PPP1R12A: variants seen among roughly 807,000 people sequenced by gnomAD.
PPP1R12A encodes protein phosphatase 1 regulatory subunit 12A.
PPP1R12A carries 19 observed loss-of-function variants against 139.6 expected under a neutral mutation model. The ratio of observed to expected loss-of-function variants is 0.14; its 90% CI spans 0.09 to 0.20. The LOEUF (loss-of-function observed/expected upper bound fraction) is 0.20. Among genes scored for constraint, PPP1R12A ranks in the 10% least tolerant of loss-of-function variants. The pLI, the probability that PPP1R12A is intolerant of heterozygous loss-of-function variation, is 1.00. For synonymous variants in PPP1R12A, 427 were observed against 420.6 expected (o/e 1.02, Z -0.19); for missense variants, 925 against 1,211.5 (o/e 0.76, Z 3.51).
intron 23 of PPP1R12A, 158 bp from the exon 24 acceptor site, chr12:79,778,758 T>C (rs755587906): frequency 9.2e-6 from 4 of 433,358 alleles, no homozygotes; most frequent in Non-Finnish European, 1.6e-5. Context: ...TTTCCAAAAT[T>C]TGACAAAAAT....
At position 79,935,036 on chromosome 12, in the gene PPP1R12A, G is replaced by T; in HGVS notation, c.-105C>A. ...TGTGTGAATGTTTCTATGAGTGCGG[G>T]CCAGAGGAGGGCTGGGAACCCGGAG... On this transcript the variant is annotated 5_prime_UTR_variant, in exon 1 of 25. Transcript: ENST00000450142. 1 of 1,429,102 alleles carries T rather than the reference G, an allele frequency of 7.0e-7. No individual in the cohort carries two copies. The allele number at this position is 1,429,102 out of a possible 1,614,324, so 88.5% of individuals were successfully genotyped here.
chr12:79,850,092 G>A (rs1879870094), intron 2 of PPP1R12A, among the ~76,000 whole-genome samples: 1 of 152,158 alleles, frequency 6.6e-6, no homozygotes. Context: ...GATTACAGGT[G>A]TGAGCCACCG....
chr12:79,858,708 A>C (rs928231046), intron 2 of PPP1R12A, among the ~76,000 whole-genome samples: 2 of 152,202 alleles, frequency 1.3e-5, no homozygotes, highest in African/African-American at 2.4e-5. Flanking sequence ...AATTCCAGAC[A>C]GAAGAACCAG....
intron 1 of PPP1R12A, among the ~76,000 whole-genome samples, chr12:79,926,532 T>C (rs936384656): frequency 6.6e-6 from 1 of 152,204 alleles, no homozygotes; most frequent in Non-Finnish European, 1.5e-5. Context: ...TACCTTTACA[T>C]TGTAAGTATT....
intron 9 of PPP1R12A, among the ~76,000 whole-genome samples, chr12:79,815,524 G>GA (rs796393176): frequency 0.016 from 1,533 of 96,450 alleles, 8 homozygotes; most frequent in African/African-American, 0.034. Context: ...GCCTCAAAAA[G>GA]AAAAAAAAAA....
At chr12:79,782,860 G>T (rs1870630489) in intron 22 of PPP1R12A, among the ~76,000 whole-genome samples, 2 of 152,100 alleles carry the variant, frequency 1.3e-5, no homozygotes, top group African/African-American at 4.8e-5. Flanking sequence ...AAAACATATT[G>T]ATTAAACACA....
intron 10 of PPP1R12A, among the ~76,000 whole-genome samples, chr12:79,809,570 C>T (rs1162578648): frequency 6.6e-6 from 1 of 152,030 alleles, no homozygotes; most frequent in Admixed American, 6.6e-5. Flanking sequence ...GTAATAGATT[C>T]CTTTAACGGA....
chr12:79,854,723 G>A (rs1220869891), intron 2 of PPP1R12A, among the ~76,000 whole-genome samples: 2 of 152,000 alleles, frequency 1.3e-5, no homozygotes, highest in Admixed American at 6.5e-5. Context: ...TCAGGCTGAA[G>A]TGAACAGGTG....
chr12:79,811,378 C>T (rs1028331726), intron 9 of PPP1R12A, among the ~76,000 whole-genome samples: 8 of 152,220 alleles, frequency 5.3e-5, no homozygotes, highest in Admixed American at 2.6e-4. Flanking sequence ...AACAAAATCA[C>T]GGGGGCTCTG....
chr12:79,840,558 A>G (rs565864517), intron 3 of PPP1R12A, among the ~76,000 whole-genome samples: 1 of 152,272 alleles, frequency 6.6e-6, no homozygotes, highest in African/African-American at 2.4e-5. Flanking sequence ...ACTTTCCTAC[A>G]TGAACTCATC....
At position 79,863,079 on chromosome 12, in the gene PPP1R12A, T is replaced by C. The variant is rs1565784540; in HGVS notation, c.368+9729A>G. ...AGGGCAGCCAGAGAGAAAGGCTGGG[T>C]TACCCACAAAGGGTAACCATCAGAC... On this transcript the variant is annotated intron_variant, in intron 2 of 24. Coordinates refer to ENST00000450142, the MANE Select transcript of PPP1R12A (RefSeq NM_002480.3). Among the ~76,000 whole-genome samples the C allele has an allele frequency of 6.6e-5, 10 of 151,932 alleles. No homozygotes were observed. The South Asian group carries it at 2.1e-3, about 32-fold the overall frequency.
chr12:79,799,546 T>TTA (rs750128075), intron 14 of PPP1R12A, among the ~76,000 whole-genome samples: 8 of 152,340 alleles, frequency 5.3e-5, no homozygotes, highest in South Asian at 2.1e-4. Flanking sequence ...CAGTGTTTTT[T>TTA]TATATATAAA....
At chr12:79,800,634 C>CT (rs1412722241) in intron 14 of PPP1R12A, among the ~76,000 whole-genome samples, 21 of 151,898 alleles carry the variant, frequency 1.4e-4, no homozygotes, top group African/African-American at 2.4e-4. Context: ...AACTGTATCT[C>CT]TATCTTCTAT....
At chr12:79,903,816 A>C (rs576213988) in intron 1 of PPP1R12A, among the ~76,000 whole-genome samples, 11 of 152,222 alleles carry the variant, frequency 7.2e-5, no homozygotes, top group Non-Finnish European at 1.6e-4. Flanking sequence ...CTTCAAAAAA[A>C]TAAATAAATG....
chr12:79,814,111 G>A (rs1474614522), intron 9 of PPP1R12A, among the ~76,000 whole-genome samples: 2 of 152,102 alleles, frequency 1.3e-5, no homozygotes, highest in Non-Finnish European at 2.9e-5. Context: ...ATACTAATAT[G>A]CTAAATTAGA....
At chr12:79,893,684 T>C (rs890216559) in intron 1 of PPP1R12A, among the ~76,000 whole-genome samples, 3 of 152,222 alleles carry the variant, frequency 2.0e-5, no homozygotes, top group African/African-American at 7.2e-5. Flanking sequence ...TGTAAAAACC[T>C]TTTCCAATTT....
At chr12:79,789,954 A>T (rs905005867) in intron 20 of PPP1R12A, among the ~76,000 whole-genome samples, 28 of 144,120 alleles carry the variant, frequency 1.9e-4, no homozygotes, top group African/African-American at 2.3e-4. Flanking sequence ...TAATTAAGAA[A>T]TTTTTTTTTT....
intron 2 of PPP1R12A, among the ~76,000 whole-genome samples, chr12:79,863,119 T>C (rs1881535773): frequency 1.3e-5 from 2 of 152,202 alleles, no homozygotes; most frequent in Non-Finnish European, 2.9e-5. Flanking sequence ...AGCAGATCTC[T>C]TGGCAGAAAC....
chr12:79,903,121 A>G (rs2137482800), intron 1 of PPP1R12A, among the ~76,000 whole-genome samples: 1 of 152,252 alleles, frequency 6.6e-6, no homozygotes, highest in South Asian at 2.1e-4. Context: ...TGATGGTTCA[A>G]GGTACACAAA....
Sources: allele counts gnomAD v4.1 joint callset (sites outside exome capture counted in the v4.1 genomes callset), GRCh38; gene constraint gnomAD v4.1.1; transcripts MANE v1.5; gene names NCBI Gene and HGNC (gene_info 2026-07-23, HGNC 2026-07-21).